EPHA6: variants seen among roughly 807,000 people sequenced by gnomAD.
EPHA6 encodes EPH receptor A6.
Under a neutral mutation model 112.0 loss-of-function variants are expected in EPHA6, and 50 were observed. The ratio of observed to expected loss-of-function variants is 0.45; its 90% CI spans 0.36 to 0.56. The LOEUF (loss-of-function observed/expected upper bound fraction) is 0.56. Ranked by LOEUF, EPHA6 falls within the 20% of genes least tolerant of loss-of-function variation. EPHA6 has a pLI of 0.00. For missense variants in EPHA6, 1,280 were observed against 1,417.4 expected, an observed-to-expected ratio of 0.90 and a Z score of 1.56; for synonymous variants, 529 against 490.7, an observed-to-expected ratio of 1.08 and a Z score of -1.03.
intron 14 of EPHA6, among the ~76,000 whole-genome samples, chr3:97,663,148 A>G (rs1043686035): frequency 4.6e-5 from 7 of 152,218 alleles, no homozygotes; most frequent in African/African-American, 1.7e-4. Context: ...ATGGGGTAGG[A>G]CAAAGGGGAA....
chr3:96,997,882 T>C (rs2043481950), intron 3 of EPHA6, among the ~76,000 whole-genome samples: 1 of 151,988 alleles, frequency 6.6e-6, no homozygotes, highest in Non-Finnish European at 1.5e-5. Flanking sequence ...ACCTTCTATG[T>C]TTAGAAAATG....
At chr3:97,376,283 G>T (rs1228161933) in intron 5 of EPHA6, among the ~76,000 whole-genome samples, 1 of 152,058 alleles carries the variant, frequency 6.6e-6, no homozygotes, top group Non-Finnish European at 1.5e-5. Context: ...ATACAATTTT[G>T]TTAAAACTAA....
At chr3:97,292,739 A>G (rs2080733999) in intron 5 of EPHA6, among the ~76,000 whole-genome samples, 1 of 151,642 alleles carries the variant, frequency 6.6e-6, no homozygotes, top group Non-Finnish European at 1.5e-5. Context: ...CAGGCAGGTC[A>G]TCTGGGTGAG....
rs142446173 is a variant in EPHA6 at position 97,237,633 on chromosome 3, C to A, written c.1271-6319C>A. Among the ~76,000 whole-genome samples the A allele has an allele frequency of 2.0e-3, 310 of 152,076 alleles. 2 individuals are homozygous for A. Among genetic ancestry groups the A allele is most frequent in the African/African-American group, 7.1e-3 (294 of 41,522 alleles). ...TCATTCATAATTTGAAACAGAACAT[C>A]CATAATTGTTGCTACAATGTTATGC... On this transcript the variant is annotated intron_variant, in intron 4 of 17. Transcript: ENST00000389672.
intron 16 of EPHA6, among the ~76,000 whole-genome samples, chr3:97,744,588 A>T (rs931477532): frequency 6.6e-6 from 1 of 152,008 alleles, no homozygotes; most frequent in African/African-American, 2.4e-5. Context: ...ATGCGTGGAG[A>T]GAAAGGGAAT....
chr3:97,613,491 A>G (rs1182118827), intron 13 of EPHA6, among the ~76,000 whole-genome samples: 2 of 152,146 alleles, frequency 1.3e-5, no homozygotes, highest in Non-Finnish European at 2.9e-5. Context: ...AGCACTACTA[A>G]GTACAAGATT....
intron 2 of EPHA6, among the ~76,000 whole-genome samples, chr3:96,981,561 G>A (rs1052376260): frequency 1.4e-4 from 22 of 152,058 alleles, no homozygotes; most frequent in African/African-American, 4.1e-4. Context: ...GATGATGCTC[G>A]CCTCATAAAA....
chr3:97,314,907 T>A lies in EPHA6; in HGVS notation c.1606+70620T>A, dbSNP rs535037245. Among the ~76,000 whole-genome samples, 3 of 151,758 alleles carry A rather than the reference T, an allele frequency of 2.0e-5. No individual in the cohort carries two copies. The South Asian group carries it at 6.2e-4, about 31-fold the overall frequency. ...ATCACTATCACCAGCTGCATCTTTA[T>A]CTAGCAAGAGGTGTTTCATTGGCAG... On this transcript the variant is annotated intron_variant, in intron 5 of 17. Coordinates refer to ENST00000389672, the MANE Select transcript of EPHA6 (RefSeq NM_001080448.3).
chr3:97,298,693 A>G (rs114454693), intron 5 of EPHA6, among the ~76,000 whole-genome samples: 3,269 of 152,226 alleles, frequency 0.021, 87 homozygotes, highest in African/African-American at 0.067. Flanking sequence ...ATTATTTCTT[A>G]TTTAGTGTAT....
intron 16 of EPHA6, among the ~76,000 whole-genome samples, chr3:97,739,709 C>T (rs1321426254): frequency 1.3e-5 from 2 of 152,182 alleles, no homozygotes; most frequent in East Asian, 3.9e-4. Context: ...AACATGCTTG[C>T]TTTCTCTCCT....
chr3:97,137,087 ATAT>A (rs1559750667), intron 3 of EPHA6, among the ~76,000 whole-genome samples: 1 of 152,182 alleles, frequency 6.6e-6, no homozygotes, highest in Non-Finnish European at 1.5e-5. Flanking sequence ...AAAAACAGAA[ATAT>A]TAGTATGTAA....
At chr3:96,878,455 G>A (rs2037109119) in intron 2 of EPHA6, among the ~76,000 whole-genome samples, 1 of 152,046 alleles carries the variant, frequency 6.6e-6, no homozygotes, top group Non-Finnish European at 1.5e-5. Context: ...TAATTTCAGT[G>A]TAATTTATTA....
At chr3:97,389,721 G>T (rs1162962505) in intron 5 of EPHA6, among the ~76,000 whole-genome samples, 1 of 152,036 alleles carries the variant, frequency 6.6e-6, no homozygotes, top group Non-Finnish European at 1.5e-5. Context: ...ATGTGGCAAA[G>T]ATTTTCAATA....
intron 3 of EPHA6, among the ~76,000 whole-genome samples, chr3:97,085,251 A>C (rs981853711): frequency 2.6e-4 from 39 of 152,186 alleles, no homozygotes; most frequent in Non-Finnish European, 2.8e-4. Context: ...TTCTACCTTT[A>C]AACATCATTT....
chr3:97,042,716 G>T (rs1401506310), intron 3 of EPHA6, among the ~76,000 whole-genome samples: 1 of 152,150 alleles, frequency 6.6e-6, no homozygotes, highest in Admixed American at 6.6e-5. Flanking sequence ...AGCAGGAGGG[G>T]CTGTGGACTT....
rs1227340012 is a variant in EPHA6 at position 97,082,815 on chromosome 3, C to T, written c.1114+94822C>T. Among the ~76,000 whole-genome samples, 45 of 151,812 alleles carry T rather than the reference C, an allele frequency of 3.0e-4. 1 individual carries two copies. ...TTTTTCTTTTATTTGACAAAATTGC[C>T]AGTAAATACGATTAAATATATTCAG... On this transcript the variant is annotated intron_variant, in intron 3 of 17. Transcript: ENST00000389672.
intron 2 of EPHA6, among the ~76,000 whole-genome samples, chr3:96,974,801 C>T (rs1018729907): frequency 6.6e-6 from 1 of 152,010 alleles, no homozygotes; most frequent in South Asian, 2.1e-4. Context: ...GACAGGATGC[C>T]AGGAGGAATG....
At chr3:97,743,417 C>T (rs2035589406) in intron 16 of EPHA6, among the ~76,000 whole-genome samples, 1 of 151,954 alleles carries the variant, frequency 6.6e-6, no homozygotes, top group Admixed American at 6.6e-5. Context: ...ATGAATTTTT[C>T]CCAAAGAAGT....
chr3:97,294,046 G>A (rs2080791520), intron 5 of EPHA6, among the ~76,000 whole-genome samples: 1 of 152,220 alleles, frequency 6.6e-6, no homozygotes, highest in Admixed American at 6.5e-5. Context: ...TCAGGAGCAG[G>A]GGGAGGCCAG....
Sources: gnomAD v4.1 joint callset for allele counts (sites outside exome capture counted in the v4.1 genomes callset) on GRCh38, gnomAD v4.1.1 for gene constraint, MANE v1.5 for transcripts, NCBI Gene and HGNC (gene_info 2026-07-23, HGNC 2026-07-21) for gene names.